The following MYZAP variants were observed in gnomAD, a reference collection of about 807,000 sequenced individuals.
The protein encoded by MYZAP is GRINL1A complex locus upstream.
In MYZAP, 66 loss-of-function variants were observed where a neutral mutation model predicts 69.4. The ratio of observed to expected loss-of-function variants is 0.95; its 90% CI spans 0.78 to 1.17. The LOEUF is 1.17. MYZAP is among the 50% of genes most tolerant of loss of function. The pLI is 0.00. For missense variants in MYZAP, 611 were observed against 556.2 expected, an observed-to-expected ratio of 1.10 and a Z score of -0.99; for synonymous variants, 256 against 205.9, an observed-to-expected ratio of 1.24 and a Z score of -2.09.
intron 5 of MYZAP, 34 bp from the exon 6 acceptor site, chr15:57,629,668 G>A (rs755344818): frequency 6.9e-6 from 11 of 1,599,998 alleles, no homozygotes; most frequent in African/African-American, 2.7e-5. Flanking sequence ...TCACGCCACC[G>A]GATCTGGTTT....
chr15:57,667,985 G>A (rs1172779616), intron 11 of MYZAP, among the ~76,000 whole-genome samples: 4 of 151,830 alleles, frequency 2.6e-5, no homozygotes, highest in African/African-American at 9.7e-5. Context: ...TATCACTTTT[G>A]GTCACTATGG....
At chr15:57,645,664 G>A (rs577987330) in intron 10 of MYZAP, among the ~76,000 whole-genome samples, 60 of 152,240 alleles carry the variant, frequency 3.9e-4, no homozygotes, top group South Asian at 2.7e-3. Flanking sequence ...AAATGGGTTC[G>A]GCTGTGTATA....
chr15:57,593,450 A>G (rs2033854940), intron 1 of MYZAP, among the ~76,000 whole-genome samples: 1 of 152,196 alleles, frequency 6.6e-6, no homozygotes, highest in Non-Finnish European at 1.5e-5. Context: ...TGAGAGGATC[A>G]TATGTGTGAC....
chr15:57,610,764 C>G (rs1477796132), intron 2 of MYZAP, among the ~76,000 whole-genome samples: 1 of 152,080 alleles, frequency 6.6e-6, no homozygotes, highest in Non-Finnish European at 1.5e-5. Context: ...TCCATCAGGC[C>G]CCCAACTCTT....
chr15:57,636,981 C>G (rs1322583511), intron 8 of MYZAP, among the ~76,000 whole-genome samples: 1 of 152,212 alleles, frequency 6.6e-6, no homozygotes, highest in African/African-American at 2.4e-5. Flanking sequence ...CCTGCCTTCT[C>G]TAACTTCTGG....
At chr15:57,630,627 T>C (rs547324674) in intron 6 of MYZAP, among the ~76,000 whole-genome samples, 45 of 152,278 alleles carry the variant, frequency 3.0e-4, no homozygotes, top group Admixed American at 6.5e-4. Flanking sequence ...ATTCCTTAGC[T>C]GAACTTCTAA....
intron 11 of MYZAP, among the ~76,000 whole-genome samples, chr15:57,664,210 T>C (rs779851162): frequency 1.5e-4 from 23 of 152,132 alleles, no homozygotes; most frequent in Non-Finnish European, 3.1e-4. Context: ...TTCTCTAAAT[T>C]GCTAAGATTA....
chr15:57,672,725 T>G (rs2038925824), intron 11 of MYZAP, among the ~76,000 whole-genome samples: 1 of 152,218 alleles, frequency 6.6e-6, no homozygotes, highest in South Asian at 2.1e-4. Context: ...TCTACACACC[T>G]GTGTAATGCA....
intron 11 of MYZAP, among the ~76,000 whole-genome samples, chr15:57,673,096 G>A (rs1297684386): frequency 6.6e-6 from 1 of 152,086 alleles, no homozygotes; most frequent in African/African-American, 2.4e-5. Context: ...ATTCTCATGA[G>A]TATACATTTT....
At chr15:57,658,857 T>C (rs907031280) in intron 10 of MYZAP, among the ~76,000 whole-genome samples, 2 of 152,248 alleles carry the variant, frequency 1.3e-5, no homozygotes, top group African/African-American at 2.4e-5. Flanking sequence ...CATTATTTCA[T>C]AGAAATTGCA....
chr15:57,599,378 T>A, intron 1 of MYZAP: 1 of 894,038 alleles, frequency 1.1e-6, no homozygotes, highest in Non-Finnish European at 1.4e-6. Flanking sequence ...GCCATCGTCG[T>A]ACCCTCATAG....
chr15:57,670,160 C>A (rs2038799036), intron 11 of MYZAP, among the ~76,000 whole-genome samples: 1 of 151,890 alleles, frequency 6.6e-6, no homozygotes, highest in African/African-American at 2.4e-5. Flanking sequence ...TGACATTTTT[C>A]TTGGATTTTG....
chr15:57,669,290 A>G (rs2038759160), intron 11 of MYZAP, among the ~76,000 whole-genome samples: 1 of 152,178 alleles, frequency 6.6e-6, no homozygotes, highest in Non-Finnish European at 1.5e-5. Flanking sequence ...CTACAAGGTC[A>G]CAAATATGTT....
At chr15:57,646,380 C>A in intron 10 of MYZAP, 1 of 1,169,256 alleles carries the variant, frequency 8.6e-7, no homozygotes, top group Non-Finnish European at 1.1e-6. Flanking sequence ...CACCCACATA[C>A]TGTCACCCTG....
intron 10 of MYZAP, among the ~76,000 whole-genome samples, chr15:57,650,462 C>G (rs1172918190): frequency 6.6e-6 from 1 of 152,166 alleles, no homozygotes; most frequent in South Asian, 2.1e-4. Flanking sequence ...GTCATAGGTG[C>G]TGGAAACACA....
chr15:57,609,432 G>T (rs1034690975), intron 2 of MYZAP, among the ~76,000 whole-genome samples: 4 of 152,152 alleles, frequency 2.6e-5, no homozygotes, highest in Non-Finnish European at 5.9e-5. Flanking sequence ...GGTAATCCTT[G>T]CCTTGTGGCA....
chr15:57,637,926 T>A, intron 9 of MYZAP, 152 bp downstream of exon 9: 1 of 815,852 alleles, frequency 1.2e-6, no homozygotes, highest in Non-Finnish European at 1.9e-6. Flanking sequence ...GTTTCCAATA[T>A]GGAACAAGTT....
Position 57,646,402 on chromosome 15 carries a change from C to A in MYZAP, c.1119+6857C>A, listed in dbSNP as rs2037449704. The stretch of plus-strand genomic sequence containing the variant: ...ATACTGTCACCCTGACTTGTACAGC[C>A]TCAAACTGCAGAGTCAAGAGAACTC... On this transcript the variant is annotated intron_variant, in intron 10 of 12. Transcript: ENST00000267853. 6 of 1,114,174 alleles carry A rather than the reference C, an allele frequency of 5.4e-6. No individual in the cohort carries two copies. In the South Asian group the frequency reaches 1.3e-4, roughly 24 times the overall value. The allele number at this position is 1,114,174 out of a possible 1,614,324, so 69.0% of individuals were successfully genotyped here.
chr15:57,645,250 A>G (rs1259383614), intron 10 of MYZAP, among the ~76,000 whole-genome samples: 1 of 152,230 alleles, frequency 6.6e-6, no homozygotes, highest in Admixed American at 6.5e-5. Context: ...TGCTGTAGTC[A>G]TAATGCAGCA....
Sources: gnomAD v4.1 joint callset for allele counts (sites outside exome capture counted in the v4.1 genomes callset) on GRCh38, gnomAD v4.1.1 for gene constraint, MANE v1.5 for transcripts, NCBI Gene and HGNC (gene_info 2026-07-23, HGNC 2026-07-21) for gene names.